Variants in TBC1D12 observed in about 807,000 individuals in gnomAD.
The protein encoded by TBC1D12 is TBC1 domain family, member 12.
Under a neutral mutation model 86.7 loss-of-function variants are expected in TBC1D12, and 56 were observed. The observed-to-expected ratio is 0.65, with a 90% CI of 0.52 to 0.81. TBC1D12 has a LOEUF of 0.81. Ranked by LOEUF, TBC1D12 falls within the 30% of genes least tolerant of loss-of-function variation. TBC1D12 has a pLI of 0.00. For synonymous variants in TBC1D12, 421 were observed against 411.7 expected (o/e 1.02, Z -0.27); for missense variants, 1,023 against 1,038.8 (o/e 0.98, Z 0.21).
intron 9 of TBC1D12, among the ~76,000 whole-genome samples, chr10:94,512,114 C>A (rs2056535606): frequency 6.6e-6 from 1 of 152,172 alleles, no homozygotes; most frequent in Non-Finnish European, 1.5e-5. Context: ...CTGACAACTT[C>A]AGCTTCTGAG....
chr10:94,465,948 ATG>A (rs2055815679), intron 2 of TBC1D12, among the ~76,000 whole-genome samples: 1 of 151,338 alleles, frequency 6.6e-6, no homozygotes, highest in Admixed American at 6.6e-5. Context: ...ATATACGCGT[ATG>A]TATGTATATA....
intron 1 of TBC1D12, among the ~76,000 whole-genome samples, chr10:94,423,342 C>CTT (rs71486719): frequency 0.016 from 1,490 of 94,168 alleles, 58 homozygotes; most frequent in East Asian, 0.071. Flanking sequence ...CATTCACCAT[C>CTT]TTTTTTTTTT....
intron 1 of TBC1D12, among the ~76,000 whole-genome samples, chr10:94,403,822 T>A (rs1397660765): frequency 1.3e-5 from 2 of 152,176 alleles, no homozygotes; most frequent in East Asian, 3.9e-4. Context: ...AGTCTTTCTG[T>A]TGCCTTGTCC....
chr10:94,524,855 C>T (rs7084812), intron 11 of TBC1D12, among the ~76,000 whole-genome samples: 3,318 of 150,442 alleles, frequency 0.022, 125 homozygotes, highest in African/African-American at 0.075. Flanking sequence ...TTGAGACAGT[C>T]TAGTTCTGTT....
chr10:94,506,958 C>G (rs2056467691), intron 6 of TBC1D12, among the ~76,000 whole-genome samples: 1 of 152,192 alleles, frequency 6.6e-6, no homozygotes, highest in Non-Finnish European at 1.5e-5. Context: ...GAATTTGAAT[C>G]TAGGTCTGAT....
chr10:94,482,930 T>C (rs1036933570), intron 3 of TBC1D12, among the ~76,000 whole-genome samples: 3 of 152,320 alleles, frequency 2.0e-5, no homozygotes, highest in Admixed American at 6.5e-5. Flanking sequence ...GGCTATTTAC[T>C]TAACATCATG....
intron 6 of TBC1D12, among the ~76,000 whole-genome samples, chr10:94,506,327 C>A (rs1365525009): frequency 2.0e-5 from 3 of 152,188 alleles, no homozygotes; most frequent in African/African-American, 7.2e-5. Flanking sequence ...GCATGAGCCA[C>A]CATGCCCGGC....
intron 2 of TBC1D12, among the ~76,000 whole-genome samples, chr10:94,451,334 A>T (rs991318457): frequency 2.6e-5 from 4 of 152,114 alleles, no homozygotes; most frequent in African/African-American, 9.6e-5. Flanking sequence ...AAAAAATCTT[A>T]AAAAGGTTAT....
At chr10:94,528,269 T>G (rs1004532985) in intron 11 of TBC1D12, among the ~76,000 whole-genome samples, 1 of 152,196 alleles carries the variant, frequency 6.6e-6, no homozygotes, top group Non-Finnish European at 1.5e-5. Flanking sequence ...GTGTTTTCCT[T>G]GTAGAGGTCT....
At chr10:94,432,471 C>G (rs1463769921) in intron 1 of TBC1D12, among the ~76,000 whole-genome samples, 1 of 152,000 alleles carries the variant, frequency 6.6e-6, no homozygotes, top group Non-Finnish European at 1.5e-5. Context: ...TGCCATTTTG[C>G]TGTATTATGT....
intron 2 of TBC1D12, among the ~76,000 whole-genome samples, chr10:94,454,855 C>T (rs1332598971): frequency 1.3e-5 from 2 of 152,098 alleles, no homozygotes; most frequent in Admixed American, 1.3e-4. Context: ...TTCTTCTTTC[C>T]CAATTAGTGT....
intron 3 of TBC1D12, among the ~76,000 whole-genome samples, chr10:94,478,954 CA>C (rs963415133): frequency 2.6e-4 from 36 of 140,352 alleles, no homozygotes; most frequent in African/African-American, 2.9e-4. Flanking sequence ...GACTCTGTCT[CA>C]AAAAAAAAAA....
At chr10:94,522,253 T>C in intron 10 of TBC1D12, 91 bp from the exon 11 acceptor site, 1 of 1,083,776 alleles carries the variant, frequency 9.2e-7, no homozygotes, top group Non-Finnish European at 1.3e-6. Context: ...AGATTCTTAA[T>C]GAGCACGATT....
At chr10:94,471,502 C>T (rs2055905664) in intron 2 of TBC1D12, among the ~76,000 whole-genome samples, 1 of 152,280 alleles carries the variant, frequency 6.6e-6, no homozygotes, top group African/African-American at 2.4e-5. Context: ...TTAACCCACA[C>T]CTTTCTAATC....
intron 1 of TBC1D12, among the ~76,000 whole-genome samples, chr10:94,414,631 G>A (rs1352365525): frequency 1.5e-5 from 2 of 137,442 alleles, no homozygotes; most frequent in African/African-American, 5.7e-5. Flanking sequence ...ACGGAGTCTC[G>A]CTCTGTCTCT....
intron 3 of TBC1D12, 78 bp downstream of exon 3, chr10:94,474,861 T>C (rs2055964766): frequency 3.9e-6 from 5 of 1,290,920 alleles, no homozygotes; most frequent in Admixed American, 2.0e-5. Context: ...TTTTAAAAGA[T>C]AGCGAGAAAG....
At chr10:94,521,654 T>G (rs1018401682) in intron 9 of TBC1D12, among the ~76,000 whole-genome samples, 4 of 152,186 alleles carry the variant, frequency 2.6e-5, no homozygotes, top group Non-Finnish European at 4.4e-5. Flanking sequence ...GAATTCAGAC[T>G]GAGAGGAAAT....
At chr10:94,414,096 A>G (rs1303147142) in intron 1 of TBC1D12, among the ~76,000 whole-genome samples, 2 of 152,202 alleles carry the variant, frequency 1.3e-5, no homozygotes, top group Non-Finnish European at 2.9e-5. Context: ...TGTTCACATT[A>G]TTTGCTTTTG....
intron 3 of TBC1D12, among the ~76,000 whole-genome samples, chr10:94,478,679 C>G (rs2056031325): frequency 6.6e-6 from 1 of 152,190 alleles, no homozygotes; most frequent in African/African-American, 2.4e-5. Flanking sequence ...CTCTAAAGGT[C>G]AAGAGCCATC....
Sources: gnomAD v4.1 joint callset for allele counts (sites outside exome capture counted in the v4.1 genomes callset) on GRCh38, gnomAD v4.1.1 for gene constraint, MANE v1.5 for transcripts, NCBI Gene and HGNC (gene_info 2026-07-23, HGNC 2026-07-21) for gene names.